JAZF1: variants seen among roughly 807,000 people sequenced by gnomAD.
JAZF1 encodes juxtaposed with another zinc finger protein 1.
JAZF1 carries 8 observed loss-of-function variants against 26.4 expected under a neutral mutation model. The ratio of observed to expected loss-of-function variants is 0.30; its 90% CI spans 0.18 to 0.55. The LOEUF (loss-of-function observed/expected upper bound fraction) is 0.55, where lower values mean the gene tolerates loss of function less well. JAZF1 is among the 20% of genes least tolerant of loss of function. The pLI is 0.94. For synonymous variants in JAZF1, 126 were observed against 122.3 expected (o/e 1.03, Z -0.20); for missense variants, 199 against 322.0 (o/e 0.62, Z 2.92).
chr7:27,867,364 G>A (rs16874393), intron 3 of JAZF1, among the ~76,000 whole-genome samples: 29,539 of 152,138 alleles, frequency 0.19, 3,862 homozygotes, highest in East Asian at 0.49. Flanking sequence ...CTTCTCTTGA[G>A]AATAATGTCG....
At chr7:28,118,164 T>C (rs900055532) in intron 1 of JAZF1, 2 of 152,232 alleles carry the variant, frequency 1.3e-5, no homozygotes, top group African/African-American at 4.8e-5. Context: ...ATAAGGGCCA[T>C]GCTAATCTTC....
intron 1 of JAZF1, among the ~76,000 whole-genome samples, chr7:28,040,586 G>A (rs1394326966): frequency 6.6e-6 from 1 of 152,184 alleles, no homozygotes; most frequent in African/African-American, 2.4e-5. Context: ...GAGCCAGACA[G>A]GTGTGAGGAG....
chr7:28,168,073 T>C (rs1327504030), intron 1 of JAZF1, among the ~76,000 whole-genome samples: 3 of 152,158 alleles, frequency 2.0e-5, no homozygotes. Context: ...CCATCTGTAT[T>C]AGTTACCAGC....
intron 2 of JAZF1, among the ~76,000 whole-genome samples, chr7:27,962,734 G>GTATTTAGTCCTGGAAT (rs1270127217): frequency 6.6e-6 from 1 of 152,110 alleles, no homozygotes; most frequent in Non-Finnish European, 1.5e-5. Flanking sequence ...CTTTCATTTT[G>GTATTTAGTCCTGGAAT]TATTTAGTCC....
intron 1 of JAZF1, among the ~76,000 whole-genome samples, chr7:28,136,711 G>C (rs535056694): frequency 1.2e-4 from 18 of 152,336 alleles, no homozygotes; most frequent in Middle Eastern, 3.4e-3. Context: ...GTTAGGGAGA[G>C]AGACAGGAGG....
chr7:28,117,244 A>AT (rs1446911390), intron 1 of JAZF1, among the ~76,000 whole-genome samples: 4 of 151,568 alleles, frequency 2.6e-5, no homozygotes, highest in Non-Finnish European at 4.4e-5. Flanking sequence ...CAAATTTATC[A>AT]TTTTTTTTAA....
intron 1 of JAZF1, among the ~76,000 whole-genome samples, chr7:28,013,808 T>G (rs1782838802): frequency 6.6e-6 from 1 of 152,136 alleles, no homozygotes. Context: ...TGATTCCAAT[T>G]CACTCAGCTA....
At chr7:28,087,333 T>A (rs1345834903) in intron 1 of JAZF1, among the ~76,000 whole-genome samples, 1 of 151,020 alleles carries the variant, frequency 6.6e-6, no homozygotes, top group African/African-American at 2.5e-5. Flanking sequence ...AAAAAAAAAA[T>A]CATATTCCAT....
At chr7:27,866,728 C>T (rs1264909221) in intron 3 of JAZF1, among the ~76,000 whole-genome samples, 1 of 152,238 alleles carries the variant, frequency 6.6e-6, no homozygotes, top group African/African-American at 2.4e-5. Flanking sequence ...ATGTAGTTTA[C>T]ATTTCGAACA....
intron 4 of JAZF1, among the ~76,000 whole-genome samples, chr7:27,834,442 G>A (rs1782767349): frequency 6.6e-6 from 1 of 152,224 alleles, no homozygotes. Context: ...TCTGAAGGTT[G>A]TCCAGTGATT....
chr7:27,994,116 C>T (rs1785963548), intron 1 of JAZF1, among the ~76,000 whole-genome samples: 1 of 152,212 alleles, frequency 6.6e-6, no homozygotes, highest in East Asian at 1.9e-4. Flanking sequence ...TACAAAGATA[C>T]ATTTATATTA....
intron 1 of JAZF1, among the ~76,000 whole-genome samples, chr7:28,174,824 GTGT>G (rs1562612818): frequency 8.6e-6 from 1 of 115,694 alleles, no homozygotes; most frequent in Non-Finnish European, 2.1e-5. Flanking sequence ...GTGTGTGGGT[GTGT>G]GTGTGTGTGT....
chr7:28,014,705 C>T (rs866827429), intron 1 of JAZF1, among the ~76,000 whole-genome samples: 10 of 152,126 alleles, frequency 6.6e-5, no homozygotes, highest in Middle Eastern at 3.2e-3. Flanking sequence ...AACAGCAGCA[C>T]GGAAACAGAC....
chr7:27,873,508 T>A (rs1583441556), intron 3 of JAZF1, among the ~76,000 whole-genome samples: 1 of 152,028 alleles, frequency 6.6e-6, no homozygotes, highest in Non-Finnish European at 1.5e-5. Context: ...GCTGTCTAGG[T>A]TTTTCTGGCT....
At chr7:27,874,432 C>T (rs1020762775) in intron 3 of JAZF1, among the ~76,000 whole-genome samples, 3 of 152,172 alleles carry the variant, frequency 2.0e-5, no homozygotes, top group Admixed American at 2.0e-4. Flanking sequence ...AGGGAGCTGT[C>T]ATGTTATTCC....
At chr7:28,154,144 C>T (rs1268087338) in intron 1 of JAZF1, among the ~76,000 whole-genome samples, 2 of 152,208 alleles carry the variant, frequency 1.3e-5, no homozygotes, top group African/African-American at 4.8e-5. Context: ...CCTCCCATCC[C>T]AACCCATGAG....
chr7:27,914,133 C>T (rs944232397), intron 2 of JAZF1, among the ~76,000 whole-genome samples: 3 of 152,136 alleles, frequency 2.0e-5, no homozygotes, highest in African/African-American at 7.2e-5. Flanking sequence ...TATCTGTTTG[C>T]TATGTGGGTT....
intron 1 of JAZF1, among the ~76,000 whole-genome samples, chr7:28,122,574 G>C (rs527712419): frequency 6.6e-6 from 1 of 152,292 alleles, no homozygotes; most frequent in South Asian, 2.1e-4. Context: ...CTGTGAAGGA[G>C]AAGAAAACAG....
At chr7:28,071,498 C>T (rs545389712) in intron 1 of JAZF1, 1 of 418,664 alleles carries the variant, frequency 2.4e-6, no homozygotes, top group South Asian at 1.8e-5. Context: ...CTCATAGAAC[C>T]ATTTGGAAAG....
Sources: allele counts gnomAD v4.1 joint callset (sites outside exome capture counted in the v4.1 genomes callset), GRCh38; gene constraint gnomAD v4.1.1; transcripts MANE v1.5; gene names NCBI Gene and HGNC (gene_info 2026-07-23, HGNC 2026-07-21).